The following PIAS2 variants were observed in gnomAD, a reference collection of about 807,000 sequenced individuals.
PIAS2 encodes the protein protein inhibitor of activated STAT 2.
PIAS2 carries 19 observed loss-of-function variants against 69.7 expected under a neutral mutation model. That is an observed-to-expected ratio of 0.27 (90% CI 0.19 to 0.40). The LOEUF (loss-of-function observed/expected upper bound fraction) is 0.40. PIAS2 is among the 10% of genes least tolerant of loss of function. The probability of loss-of-function intolerance (pLI) is 1.00; values close to 1 mark genes in which losing one functional copy is unlikely to be tolerated. For synonymous variants in PIAS2, 261 were observed against 263.2 expected (o/e 0.99, Z 0.08); for missense variants, 624 against 757.0 (o/e 0.82, Z 2.06).
intron 1 of PIAS2, among the ~76,000 whole-genome samples, chr18:46,892,347 CTA>C (rs2054194283): frequency 6.6e-6 from 1 of 152,100 alleles, no homozygotes; most frequent in Admixed American, 6.5e-5. Context: ...ATATATGTCT[CTA>C]TATTTCATAA....
chr18:46,915,093 G>A (rs781442681), intron 1 of PIAS2: 7 of 151,912 alleles, frequency 4.6e-5, no homozygotes, highest in Admixed American at 3.9e-4. Flanking sequence ...GAACAAAGTA[G>A]TGTAGCCCGG....
chr18:46,839,933 C>T lies in PIAS2; in HGVS notation c.1042-3416G>A, dbSNP rs914301861. On this transcript the variant is annotated intron_variant, in intron 8 of 13. Coordinates refer to ENST00000585916, the MANE Select transcript of PIAS2 (RefSeq NM_004671.5). ...ATCCCAGCATTTTGGGAAGCCGAGG[C>T]GGGGGAATCACGAGGTCAAAAGCTC... Among the ~76,000 whole-genome samples the T allele has an allele frequency of 8.0e-5, 12 of 150,866 alleles. No individual in the cohort carries two copies. In the South Asian group the frequency reaches 8.4e-4, roughly 11 times the overall value.
intron 3 of PIAS2, among the ~76,000 whole-genome samples, chr18:46,861,215 G>A (rs2048616492): frequency 6.6e-6 from 1 of 152,108 alleles, no homozygotes; most frequent in Non-Finnish European, 1.5e-5. Context: ...CTCCAACCTG[G>A]GCGACGGAGT....
In PIAS2 at chr18:46,820,961, T is replaced by C. The variant is rs2144800296; in HGVS notation, c.1620A>G (p.Pro540=). The change falls in exon 12 of 14, where the codon CCA becomes CCG. Residue 540 remains proline, a synonymous_variant. Transcript: ENST00000585916. Reference sequence around the variant, plus strand: ...GCAAATCTGATGACATGCTTGATATTGGCGTATGGTGGAATGGTACTGAGT... The same window carrying C: ...GCAAATCTGATGACATGCTTGATATCGGCGTATGGTGGAATGGTACTGAGT... The part of the protein sequence containing the change: ...TDYSVPFHHT[P]ISSMSSDLPG... 6.2e-7 allele frequency: 1 copy of C among 1,612,558 alleles called. No individual in the cohort carries two copies.
intron 12 of PIAS2, among the ~76,000 whole-genome samples, chr18:46,819,640 A>G (rs2041953484): frequency 6.6e-6 from 1 of 152,106 alleles, no homozygotes; most frequent in South Asian, 2.1e-4. Flanking sequence ...CACTAAGGGG[A>G]GAAAAAAAAT....
chr18:46,864,115 G>T, intron 3 of PIAS2, 49 bp downstream of exon 3: 1 of 1,084,002 alleles, frequency 9.2e-7, no homozygotes, highest in Non-Finnish European at 1.4e-6. Flanking sequence ...AGCCCTACAG[G>T]TGAATAAACC....
intron 12 of PIAS2, chr18:46,818,547 T>C: frequency 2.0e-6 from 2 of 1,016,972 alleles, no homozygotes; most frequent in Non-Finnish European, 2.6e-6. Context: ...CTATTTAATA[T>C]TTTATTATAA....
intron 8 of PIAS2, among the ~76,000 whole-genome samples, chr18:46,839,088 C>T (rs901715957): frequency 6.6e-6 from 1 of 151,970 alleles, no homozygotes; most frequent in Non-Finnish European, 1.5e-5. Flanking sequence ...TTAAGTAGTA[C>T]CAACATAAAT....
chr18:46,874,055 G>A (rs1819495852), intron 2 of PIAS2, among the ~76,000 whole-genome samples: 1 of 152,180 alleles, frequency 6.6e-6, no homozygotes, highest in African/African-American at 2.4e-5. Flanking sequence ...ACCCACTGGG[G>A]ACCTCAAGCT....
At chr18:46,895,517 A>T (rs1159306379) in intron 1 of PIAS2, among the ~76,000 whole-genome samples, 1 of 152,054 alleles carries the variant, frequency 6.6e-6, no homozygotes, top group Non-Finnish European at 1.5e-5. Flanking sequence ...CTAAAAATAC[A>T]AAAATTAGCC....
intron 2 of PIAS2, among the ~76,000 whole-genome samples, chr18:46,871,392 C>A (rs769144445): frequency 1.1e-4 from 17 of 152,166 alleles, no homozygotes; most frequent in Non-Finnish European, 2.2e-4. Flanking sequence ...TCCTCACATG[C>A]TAAACCATAT....
chr18:46,913,363 T>G (rs1214422732), intron 1 of PIAS2, among the ~76,000 whole-genome samples: 1 of 152,196 alleles, frequency 6.6e-6, no homozygotes, highest in Non-Finnish European at 1.5e-5. Context: ...CTTCGAATTA[T>G]GACACAACAA....
intron 8 of PIAS2, among the ~76,000 whole-genome samples, chr18:46,840,248 A>G (rs1486610446): frequency 2.0e-5 from 3 of 152,348 alleles, no homozygotes; most frequent in Non-Finnish European, 4.4e-5. Context: ...TATATTAGAA[A>G]TTAAAACATA....
chr18:46,856,101 G>C (rs2047767259), intron 3 of PIAS2, among the ~76,000 whole-genome samples: 1 of 147,892 alleles, frequency 6.8e-6, no homozygotes, highest in East Asian at 2.0e-4. Context: ...CGCCTCCCGG[G>C]TTCACGCCAT....
At chr18:46,873,033 T>C (rs1405564290) in intron 2 of PIAS2, among the ~76,000 whole-genome samples, 1 of 152,230 alleles carries the variant, frequency 6.6e-6, no homozygotes, top group Non-Finnish European at 1.5e-5. Context: ...CCTGTGGCCT[T>C]TGTATCAAAA....
At chr18:46,881,455 G>A (rs2052248704) in intron 2 of PIAS2, among the ~76,000 whole-genome samples, 1 of 152,168 alleles carries the variant, frequency 6.6e-6, no homozygotes, top group Non-Finnish European at 1.5e-5. Flanking sequence ...CTATATAGAT[G>A]CAATTGTATT....
At chr18:46,852,608 AG>A (rs2047129210) in intron 5 of PIAS2, 1 of 152,292 alleles carries the variant, frequency 6.6e-6, no homozygotes, top group Non-Finnish European at 1.5e-5. Flanking sequence ...AATGCCCCAG[AG>A]GAAGTACTCA....
chr18:46,836,290 G>C (rs1203055005), intron 9 of PIAS2, 67 bp downstream of exon 9: 2 of 1,210,224 alleles, frequency 1.7e-6, no homozygotes, highest in East Asian at 4.7e-5. Context: ...GTAAGTTGTA[G>C]TGAACAAAGG....
intron 12 of PIAS2, chr18:46,817,177 A>T (rs897503700): frequency 6.2e-6 from 6 of 964,170 alleles, no homozygotes; most frequent in Admixed American, 6.2e-5. Context: ...TCAGTTTCAT[A>T]TGTTCAATCA....
Sources: gnomAD v4.1 joint callset for allele counts (sites outside exome capture counted in the v4.1 genomes callset) on GRCh38, gnomAD v4.1.1 for gene constraint, MANE v1.5 for transcripts, NCBI Gene and HGNC (gene_info 2026-07-23, HGNC 2026-07-21) for gene names.